FLRT2: variants seen among roughly 807,000 people sequenced by gnomAD.
The protein encoded by FLRT2 is leucine-rich repeat transmembrane protein FLRT2.
A neutral mutation model predicts 40.0 loss-of-function variants in FLRT2; 15 were observed. That is an observed-to-expected ratio of 0.38 (90% confidence interval 0.25 to 0.58). The LOEUF (loss-of-function observed/expected upper bound fraction) is 0.58, where lower values mean the gene tolerates loss of function less well. Among genes scored for constraint, FLRT2 ranks in the 20% least tolerant of loss-of-function variants. The pLI, the probability that FLRT2 is intolerant of heterozygous loss-of-function variation, is 0.71. For synonymous variants in FLRT2, 380 were observed against 336.8 expected, an observed-to-expected ratio of 1.13 and a Z score of -1.41; for missense variants, 726 against 840.0, an observed-to-expected ratio of 0.86 and a Z score of 1.68.
chr14:85,592,785 G>A (rs1379472690), intron 1 of FLRT2, among the ~76,000 whole-genome samples: 5 of 54,286 alleles, frequency 9.2e-5, no homozygotes, highest in Non-Finnish European at 1.6e-4. Flanking sequence ...GCGAAACTCC[G>A]TCTCAAAAAA....
rs1472921719 is a variant in FLRT2 at position 85,626,550 on chromosome 14, A to G, written c.*3053A>G. 1.2e-5 allele frequency: 2 copies of G among 167,106 alleles called. No individual in the cohort carries two copies. Among genetic ancestry groups the G allele is most frequent in the African/African-American group, 2.4e-5 (1 of 41,456 alleles). 10.4% of individuals were successfully genotyped at this position (167,106 alleles called of 1,614,324 possible). A position where few individuals can be genotyped will look rare whatever the true frequency, so the allele number is the denominator to read the frequency against. On this transcript the variant is annotated 3_prime_UTR_variant, in exon 2 of 2. Transcript: ENST00000330753. ...CAAAAGGATATATTGACAGTTATCT[A>G]TAGCCAGGGTAGTTGTTAATACCTG...
intron 1 of FLRT2, among the ~76,000 whole-genome samples, chr14:85,602,345 A>T (rs1008416559): frequency 1.3e-5 from 2 of 152,164 alleles, no homozygotes; most frequent in African/African-American, 4.8e-5. Flanking sequence ...TCCGACTTGG[A>T]GTTGTCACTG....
In FLRT2 at chr14:85,535,892, GTTTTTTTT is replaced by G. The variant is rs71454768; in HGVS notation, c.-377+5380_-377+5387del. On this transcript the variant is annotated intron_variant, in intron 1 of 1. Transcript: ENST00000330753. ...ACAAACCTAGCATGGAAGGAATGCT[GTTTTTTTT>G]TTTTTTTTTTTTTTTTTTTTTGTTG... Among the ~76,000 whole-genome samples, 503 of 57,878 alleles carry G rather than the reference GTTTTTTTT, an allele frequency of 8.7e-3. 2 individuals are homozygous for G. The highest frequency in any genetic ancestry group is 0.026 in the African/African-American group (454 of 17,650). 38.0% of individuals were successfully genotyped at this position (57,878 alleles called of 152,430 possible). A position where few individuals can be genotyped will look rare whatever the true frequency, so the allele number is the denominator to read the frequency against.
In FLRT2 at chr14:85,635,037, C is replaced by T. The variant is rs779340436; in HGVS notation, c.*11540C>T. On this transcript the variant is annotated 3_prime_UTR_variant, in exon 2 of 2. Coordinates refer to ENST00000330753, the MANE Select transcript of FLRT2 (RefSeq NM_013231.6). Reference sequence around the variant, plus strand: ...GAAGATGTGACTAGGATAGATAAAGCAAACATATAAACACTCAGTTTCATT... The same window carrying T: ...GAAGATGTGACTAGGATAGATAAAGTAAACATATAAACACTCAGTTTCATT... The T allele has an allele frequency of 1.3e-5, 2 of 152,126 alleles. No homozygotes were observed. Among genetic ancestry groups the T allele is most frequent in the Non-Finnish European group, 2.9e-5 (2 of 68,012 alleles). The allele number at this position is 152,126 out of a possible 1,614,324, so 9.4% of individuals were successfully genotyped here.
chr14:85,572,176 A>G (rs888827101), intron 1 of FLRT2, among the ~76,000 whole-genome samples: 2 of 152,180 alleles, frequency 1.3e-5, no homozygotes, highest in African/African-American at 2.4e-5. Flanking sequence ...TACTTAGATC[A>G]TAAACCTAGG....
chr14:85,631,936 C>T lies in FLRT2; in HGVS notation c.*8439C>T, dbSNP rs558854986. 1 of 152,154 alleles carries T rather than the reference C, an allele frequency of 6.6e-6. No homozygotes were observed. Among genetic ancestry groups the T allele is most frequent in the Non-Finnish European group, 1.5e-5 (1 of 68,170 alleles). The allele number at this position is 152,154 out of a possible 1,614,324, so 9.4% of individuals were successfully genotyped here. A position where few individuals can be genotyped will look rare whatever the true frequency, so the allele number is the denominator to read the frequency against. On this transcript the variant is annotated 3_prime_UTR_variant, in exon 2 of 2. Coordinates refer to ENST00000330753, the MANE Select transcript of FLRT2 (RefSeq NM_013231.6). ...CGCCTCCCGGGTTCAAGCAATTCTC[C>T]TGCCTCAGCCTCCTGCGTAGCTGGG...
At chr14:85,594,711 A>G (rs1411471550) in intron 1 of FLRT2, among the ~76,000 whole-genome samples, 12 of 152,260 alleles carry the variant, frequency 7.9e-5, no homozygotes, top group Middle Eastern at 3.4e-3. Flanking sequence ...CATAAAAACT[A>G]AAGTTTACTT....
chr14:85,603,984 C>T (rs1227959203), intron 1 of FLRT2, among the ~76,000 whole-genome samples: 1 of 152,304 alleles, frequency 6.6e-6, no homozygotes, highest in East Asian at 1.9e-4. Flanking sequence ...TGTGTTAAAA[C>T]ATGGCTGCTT....
chr14:85,608,539 A>G (rs1396755580), intron 1 of FLRT2, among the ~76,000 whole-genome samples: 1 of 152,146 alleles, frequency 6.6e-6, no homozygotes, highest in African/African-American at 2.4e-5. Context: ...CAGCTGATAA[A>G]TGATTATTGA....
chr14:85,578,850 T>A (rs1359771844), intron 1 of FLRT2, among the ~76,000 whole-genome samples: 1 of 152,132 alleles, frequency 6.6e-6, no homozygotes, highest in Admixed American at 6.5e-5. Context: ...CTGAGTCTCA[T>A]TGAGACCTGG....
At chr14:85,574,834 C>T (rs986563911) in intron 1 of FLRT2, among the ~76,000 whole-genome samples, 5 of 152,136 alleles carry the variant, frequency 3.3e-5, no homozygotes, top group African/African-American at 1.2e-4. Flanking sequence ...GTTGTCTTCA[C>T]AAATAGTTAT....
chr14:85,544,816 G>C lies in FLRT2; in HGVS notation c.-377+14282G>C, dbSNP rs60857982. ...TTTCGCGGTAGATTGCCATTTGATG[G>C]ACAAAGTTGACTTGCATGCAAGTGG... On this transcript the variant is annotated intron_variant, in intron 1 of 1. Coordinates refer to ENST00000330753, the MANE Select transcript of FLRT2 (RefSeq NM_013231.6). Among the ~76,000 whole-genome samples the C allele has an allele frequency of 2.5e-3, 374 of 152,260 alleles. 1 individual carries two copies. The highest frequency in any genetic ancestry group is 8.7e-3 in the African/African-American group (361 of 41,546).
intron 1 of FLRT2, among the ~76,000 whole-genome samples, chr14:85,599,971 G>A (rs896305040): frequency 2.6e-5 from 4 of 152,184 alleles, no homozygotes; most frequent in Admixed American, 6.5e-5. Context: ...TATATGATGG[G>A]CACAATGATA....
intron 1 of FLRT2, among the ~76,000 whole-genome samples, chr14:85,612,983 T>A (rs937807151): frequency 1.3e-5 from 2 of 152,164 alleles, no homozygotes; most frequent in African/African-American, 2.4e-5. Context: ...GGTAGGGAAG[T>A]AGGCCTTGTT....
At chr14:85,611,444 C>T (rs1000596308) in intron 1 of FLRT2, among the ~76,000 whole-genome samples, 4 of 152,164 alleles carry the variant, frequency 2.6e-5, no homozygotes, top group East Asian at 1.9e-4. Flanking sequence ...TTTTAAAAAG[C>T]GTCAGAGAAC....
At chr14:85,566,774 G>GAAA (rs71120521) in intron 1 of FLRT2, among the ~76,000 whole-genome samples, 6 of 143,424 alleles carry the variant, frequency 4.2e-5, no homozygotes, top group African/African-American at 1.0e-4. Flanking sequence ...TCTTCAGCAT[G>GAAA]AAAAAAAAAA....
rs900170274 is a variant in FLRT2 at position 85,639,909 on chromosome 14, C to T, written c.*16412C>T. On this transcript the variant is annotated 3_prime_UTR_variant, in exon 2 of 2. Transcript: ENST00000330753. ...TGTCCCCCAGGCCAGAGTGCAGCGG[C>T]GTGATCTCGACTCACTGCAAGCTCC... 3 of 139,822 alleles carry T rather than the reference C, an allele frequency of 2.1e-5. No individual in the cohort carries two copies. Among genetic ancestry groups the T allele is most frequent in the South Asian group, 2.3e-4 (1 of 4,420 alleles). 8.7% of individuals were successfully genotyped at this position (139,822 alleles called of 1,614,324 possible).
intron 1 of FLRT2, among the ~76,000 whole-genome samples, chr14:85,611,975 C>T (rs1288239457): frequency 1.5e-5 from 2 of 129,540 alleles, no homozygotes; most frequent in Non-Finnish European, 3.2e-5. Flanking sequence ...TTGGGACCAC[C>T]TTTCAGCTGT....
At chr14:85,580,837 A>G (rs943474993) in intron 1 of FLRT2, among the ~76,000 whole-genome samples, 2 of 152,164 alleles carry the variant, frequency 1.3e-5, no homozygotes, top group Non-Finnish European at 2.9e-5. Flanking sequence ...ATCAAGGAGT[A>G]AAAAAAGAAA....
Sources: gnomAD v4.1 joint callset for allele counts (sites outside exome capture counted in the v4.1 genomes callset) on GRCh38, gnomAD v4.1.1 for gene constraint, MANE v1.5 for transcripts, NCBI Gene and HGNC (gene_info 2026-07-23, HGNC 2026-07-21) for gene names.